Variants in ACTR3C observed in about 807,000 individuals in gnomAD.
The protein encoded by ACTR3C is actin related protein 3C.
In ACTR3C, 18 loss-of-function variants were observed where a neutral mutation model predicts 26.3. The observed-to-expected ratio is 0.68, with a 90% confidence interval of 0.47 to 1.01. ACTR3C has a LOEUF of 1.01. Ranked by LOEUF, ACTR3C falls within the 50% of genes least tolerant of loss-of-function variation. The pLI is 0.00. For missense variants in ACTR3C, 184 were observed against 250.7 expected, an observed-to-expected ratio of 0.73 and a Z score of 1.80; for synonymous variants, 55 against 94.5, an observed-to-expected ratio of 0.58 and a Z score of 2.42.
At chr7:150,099,712 C>T in the ACTR3C span, among the ~76,000 whole-genome samples, 1 of 151,584 alleles carries the variant, frequency 6.6e-6, no homozygotes, top group Non-Finnish European at 1.5e-5. Context: ...TCTGCCTGTC[C>T]TCTGTCTCCT....
intron 1 of ACTR3C, among the ~76,000 whole-genome samples, chr7:150,302,489 A>G (rs1423620360): frequency 6.6e-6 from 1 of 151,964 alleles, no homozygotes; most frequent in African/African-American, 2.4e-5. Context: ...ACTGCTAAGC[A>G]GGAAATACCT....
the ACTR3C span, among the ~76,000 whole-genome samples, chr7:150,215,079 T>C: frequency 4.0e-5 from 6 of 150,612 alleles, no homozygotes; most frequent in Admixed American, 3.3e-4. Context: ...TTTTTTAATG[T>C]CCTAAAAGGA....
the ACTR3C span, among the ~76,000 whole-genome samples, chr7:150,037,106 A>T: frequency 1.8e-5 from 1 of 57,020 alleles, no homozygotes; most frequent in Non-Finnish European, 4.0e-5. Context: ...CCTAAGAGCC[A>T]GGGGGGGAAG....
At chr7:150,037,435 C>G in the ACTR3C span, among the ~76,000 whole-genome samples, 17 of 49,886 alleles carry the variant, frequency 3.4e-4, 3 homozygotes, top group African/African-American at 5.5e-4. Context: ...GGGGATGGCT[C>G]TCAATCCCTG....
chr7:150,241,643 C>T (rs1584804953), downstream of ACTR3C, among the ~76,000 whole-genome samples: 3 of 151,996 alleles, frequency 2.0e-5, no homozygotes, highest in East Asian at 1.9e-4. Context: ...CAAAATTGAA[C>T]TTCATCAAAC....
intron 6 of ACTR3C, among the ~76,000 whole-genome samples, chr7:150,252,540 C>A (rs1227736813): frequency 6.6e-6 from 1 of 151,906 alleles, no homozygotes; most frequent in African/African-American, 2.4e-5. Flanking sequence ...ACTAAGCATA[C>A]CAGAGACATT....
At chr7:150,025,966 G>A in the ACTR3C span, among the ~76,000 whole-genome samples, 1 of 152,130 alleles carries the variant, frequency 6.6e-6, no homozygotes, top group Non-Finnish European at 1.5e-5. Flanking sequence ...CGCTGACTGC[G>A]AGGCCTTCGG....
the ACTR3C span, among the ~76,000 whole-genome samples, chr7:150,138,588 G>A: frequency 6.6e-6 from 1 of 152,346 alleles, no homozygotes; most frequent in Non-Finnish European, 1.5e-5. Flanking sequence ...CCTTTATCCT[G>A]CCTCCAGAAC....
At chr7:150,252,703 T>C (rs2129609367) in intron 6 of ACTR3C, among the ~76,000 whole-genome samples, 1 of 152,220 alleles carries the variant, frequency 6.6e-6, no homozygotes, top group South Asian at 2.1e-4. Context: ...CAATATCCAG[T>C]ATCTTCAGAA....
chr7:150,023,339 ATATATATTT>A, the ACTR3C span, among the ~76,000 whole-genome samples: 16 of 9,372 alleles, frequency 1.7e-3, no homozygotes, highest in Non-Finnish European at 3.7e-3. Flanking sequence ...ACATACATAC[ATATATATTT>A]TAGAGACAGA....
the ACTR3C span, among the ~76,000 whole-genome samples, chr7:149,888,211 G>T: frequency 0.45 from 68,097 of 151,920 alleles, 15,696 homozygotes; most frequent in East Asian, 0.67. Flanking sequence ...CACTTTCTTT[G>T]TCCACCCCCC....
At chr7:149,988,671 C>T in the ACTR3C span, among the ~76,000 whole-genome samples, 2 of 152,202 alleles carry the variant, frequency 1.3e-5, no homozygotes, top group African/African-American at 2.4e-5. Context: ...GTCCCTAACC[C>T]ACAGAAGTCT....
chr7:150,164,891 C>G, the ACTR3C span, among the ~76,000 whole-genome samples: 1 of 152,114 alleles, frequency 6.6e-6, no homozygotes, highest in African/African-American at 2.4e-5. Context: ...GGGAGAATTC[C>G]CCACCAGTAG....
chr7:150,102,549 GT>G, the ACTR3C span, among the ~76,000 whole-genome samples: 1 of 151,468 alleles, frequency 6.6e-6, no homozygotes, highest in African/African-American at 2.4e-5. Flanking sequence ...CCTCTTTTTG[GT>G]CTTATTTTCC....
the ACTR3C span, among the ~76,000 whole-genome samples, chr7:150,033,532 A>G: frequency 6.6e-6 from 1 of 151,976 alleles, no homozygotes; most frequent in African/African-American, 2.4e-5. Context: ...GGATCTGAGG[A>G]TCCACAATGG....
intron 1 of ACTR3C, among the ~76,000 whole-genome samples, chr7:150,318,492 G>C (rs528618752): frequency 6.6e-6 from 1 of 152,294 alleles, no homozygotes; most frequent in South Asian, 2.1e-4. Flanking sequence ...TGCCAGTTGC[G>C]GTGGCTCACG....
the ACTR3C span, among the ~76,000 whole-genome samples, chr7:150,188,353 G>A: frequency 6.6e-6 from 1 of 151,270 alleles, no homozygotes; most frequent in Admixed American, 6.6e-5. Context: ...TTGTTCATCC[G>A]CTCACCTGTA....
chr7:149,990,695 C>G, the ACTR3C span, among the ~76,000 whole-genome samples: 1 of 148,806 alleles, frequency 6.7e-6, no homozygotes, highest in African/African-American at 2.5e-5. Flanking sequence ...AGTAACGGAG[C>G]CTGGGGGAAC....
the ACTR3C span, among the ~76,000 whole-genome samples, chr7:150,143,595 C>T: frequency 3.3e-5 from 5 of 152,236 alleles, no homozygotes; most frequent in Non-Finnish European, 5.9e-5. Flanking sequence ...CTTCCCTGAT[C>T]CCCGGTGAGT....
Sources: gnomAD v4.1 joint callset for allele counts (sites outside exome capture counted in the v4.1 genomes callset) on GRCh38, gnomAD v4.1.1 for gene constraint, MANE v1.5 for transcripts, NCBI Gene and HGNC (gene_info 2026-07-23, HGNC 2026-07-21) for gene names.